The following CHODL variants were observed in gnomAD, a reference collection of about 807,000 sequenced individuals.
CHODL encodes the protein chondrolectin.
Under a neutral mutation model 34.5 loss-of-function variants are expected in CHODL, and 29 were observed. That is an observed-to-expected ratio of 0.84 (90% CI 0.63 to 1.15). The LOEUF (loss-of-function observed/expected upper bound fraction) is 1.15. Among genes scored for constraint, CHODL ranks in the 50% most tolerant of loss-of-function variants. CHODL has a pLI of 0.00. For missense variants in CHODL, 332 were observed against 332.5 expected (o/e 1.00, Z 0.01); for synonymous variants, 125 against 116.1 (o/e 1.08, Z -0.49).
intron 2 of CHODL, among the ~76,000 whole-genome samples, chr21:18,107,352 C>G (rs892272701): frequency 7.9e-5 from 12 of 152,276 alleles, no homozygotes; most frequent in African/African-American, 2.9e-4. Context: ...TCTACTCAAA[C>G]AGCAGAGAAC....
intron 1 of CHODL, among the ~76,000 whole-genome samples, chr21:17,981,882 GA>G (rs1447323304): frequency 9.2e-5 from 14 of 152,160 alleles, no homozygotes; most frequent in African/African-American, 3.4e-4. Context: ...AAATGTAAAA[GA>G]AGACAAATGA....
At chr21:17,980,849 T>C (rs1484344309) in intron 1 of CHODL, among the ~76,000 whole-genome samples, 1 of 152,160 alleles carries the variant, frequency 6.6e-6, no homozygotes, top group Admixed American at 6.5e-5. Flanking sequence ...AATTGTTCTT[T>C]CTCTGTTCCA....
At chr21:18,170,753 T>A (rs1220802947) in intron 2 of CHODL, among the ~76,000 whole-genome samples, 1 of 152,200 alleles carries the variant, frequency 6.6e-6, no homozygotes, top group African/African-American at 2.4e-5. Context: ...CCAAAATAGT[T>A]ATCTATGATG....
intron 2 of CHODL, among the ~76,000 whole-genome samples, chr21:18,184,153 C>T (rs937773590): frequency 5.3e-5 from 8 of 152,046 alleles, no homozygotes; most frequent in African/African-American, 1.9e-4. Flanking sequence ...TACAAAGCAT[C>T]CTAAGAAAAT....
chr21:18,099,578 G>C (rs759193379), intron 2 of CHODL, among the ~76,000 whole-genome samples: 3 of 151,864 alleles, frequency 2.0e-5, no homozygotes, highest in Admixed American at 6.6e-5. Flanking sequence ...CTTTCAAAAA[G>C]CCATCCAATA....
chr21:17,967,293 A>G (rs186319718), intron 1 of CHODL, among the ~76,000 whole-genome samples: 75 of 152,322 alleles, frequency 4.9e-4, no homozygotes, highest in African/African-American at 1.7e-3. Flanking sequence ...GGACACTACT[A>G]GTATGCTACA....
At chr21:18,065,662 C>T (rs154747) in intron 2 of CHODL, among the ~76,000 whole-genome samples, 59,663 of 151,852 alleles carry the variant, frequency 0.39, 12,993 homozygotes, top group East Asian at 0.95. Context: ...GAAGAAGCTC[C>T]GGAGAAGAAC....
intron 2 of CHODL, among the ~76,000 whole-genome samples, chr21:18,067,533 G>T (rs1367485920): frequency 6.6e-6 from 1 of 152,166 alleles, no homozygotes; most frequent in Non-Finnish European, 1.5e-5. Flanking sequence ...CTTCCTCGCA[G>T]CCCTTTGAAA....
chr21:18,194,121 C>G (rs918941116), intron 2 of CHODL, among the ~76,000 whole-genome samples: 1 of 152,154 alleles, frequency 6.6e-6, no homozygotes, highest in Non-Finnish European at 1.5e-5. Context: ...AGCTACCTAA[C>G]TAGCCTCCCT....
intron 1 of CHODL, among the ~76,000 whole-genome samples, chr21:18,251,741 T>TTTTA (rs1371128004): frequency 3.6e-5 from 5 of 139,492 alleles, no homozygotes; most frequent in African/African-American, 8.0e-5. Context: ...ATTTTATTTA[T>TTTTA]TTTATTTATT....
At chr21:18,238,763 A>G (rs1280710068) in intron 2 of CHODL, among the ~76,000 whole-genome samples, 1 of 152,146 alleles carries the variant, frequency 6.6e-6, no homozygotes, top group East Asian at 1.9e-4. Flanking sequence ...GCCTGAGTCC[A>G]CTATGATTAT....
intron 2 of CHODL, among the ~76,000 whole-genome samples, chr21:18,160,552 A>G (rs367827772): frequency 2.6e-5 from 4 of 152,136 alleles, no homozygotes; most frequent in African/African-American, 9.6e-5. Flanking sequence ...TGTTCTCAAC[A>G]TTTAGCGTCC....
At chr21:18,248,989 CAT>C (rs1225784155) in intron 1 of CHODL, among the ~76,000 whole-genome samples, 6 of 105,122 alleles carry the variant, frequency 5.7e-5, no homozygotes, top group Non-Finnish European at 8.6e-5. Flanking sequence ...ATATATTATA[CAT>C]ATATGTATTT....
At chr21:18,086,266 T>G (rs1401210783) in intron 2 of CHODL, among the ~76,000 whole-genome samples, 1 of 152,074 alleles carries the variant, frequency 6.6e-6, no homozygotes, top group East Asian at 1.9e-4. Flanking sequence ...ATTGATTTTC[T>G]GATTTCTTTG....
intron 4 of CHODL, 122 bp from the exon 5 acceptor site, chr21:18,262,669 A>T: frequency 1.6e-6 from 1 of 629,988 alleles, no homozygotes; most frequent in Non-Finnish European, 2.8e-6. Flanking sequence ...TTTGAGAAGA[A>T]CTTTGGGGTC....
intron 2 of CHODL, among the ~76,000 whole-genome samples, chr21:18,214,664 A>C (rs2073806346): frequency 6.6e-6 from 1 of 152,162 alleles, no homozygotes; most frequent in Admixed American, 6.6e-5. Flanking sequence ...CAGGAACAGC[A>C]GTTATAGACT....
intron 2 of CHODL, among the ~76,000 whole-genome samples, chr21:18,116,302 T>TCC (rs1449192492): frequency 6.6e-6 from 1 of 151,782 alleles, no homozygotes; most frequent in Non-Finnish European, 1.5e-5. Context: ...AACTTATTTC[T>TCC]CTCTCTCTCT....
intron 1 of CHODL, among the ~76,000 whole-genome samples, chr21:17,966,691 G>T (rs947163338): frequency 2.0e-5 from 3 of 152,084 alleles, no homozygotes; most frequent in African/African-American, 4.8e-5. Flanking sequence ...TGTAGAGTTG[G>T]GGTCATTAAC....
intron 2 of CHODL, among the ~76,000 whole-genome samples, chr21:18,076,623 A>C (rs1279200208): frequency 6.6e-6 from 1 of 152,232 alleles, no homozygotes; most frequent in Non-Finnish European, 1.5e-5. Context: ...GAGAGAACAC[A>C]AAGGATGTGG....
Sources: gnomAD v4.1 joint callset for allele counts (sites outside exome capture counted in the v4.1 genomes callset) on GRCh38, gnomAD v4.1.1 for gene constraint, MANE v1.5 for transcripts, NCBI Gene and HGNC (gene_info 2026-07-23, HGNC 2026-07-21) for gene names.